Variants in ANO6 observed in about 807,000 individuals in gnomAD.
ANO6 encodes anoctamin-6.
In ANO6, 106 loss-of-function variants were observed where a neutral mutation model predicts 117.5. The observed-to-expected ratio is 0.90, with a 90% CI of 0.77 to 1.06. The LOEUF is 1.06. Ranked by LOEUF, ANO6 falls within the 50% of genes least tolerant of loss-of-function variation. The pLI, the probability that ANO6 is intolerant of heterozygous loss-of-function variation, is 0.00. For missense variants in ANO6, 955 were observed against 1,121.1 expected (o/e 0.85, Z 2.12); for synonymous variants, 367 against 385.1 (o/e 0.95, Z 0.55).
At chr12:45,314,926 A>G (rs1939971679) in intron 2 of ANO6, among the ~76,000 whole-genome samples, 1 of 152,106 alleles carries the variant, frequency 6.6e-6, no homozygotes. Context: ...ATAGCATTAC[A>G]TGAACATATC....
At position 45,431,958 on chromosome 12, in the gene ANO6, T is replaced by C. The variant is rs80262978; in HGVS notation, c.*2647T>C. On this transcript the variant is annotated 3_prime_UTR_variant, in exon 20 of 20. Coordinates refer to ENST00000320560, the MANE Select transcript of ANO6 (RefSeq NM_001025356.3). ...CTCAGATAATTTAGCTATATATCAT[T>C]AGAAAGGGAAAGCTATCATTTTTAT... 8.0e-4 allele frequency: 791 copies of C among 985,308 alleles called. 18 individuals are homozygous for C. The East Asian group carries it at 0.06, about 75-fold the overall frequency. The allele number at this position is 985,308 out of a possible 1,614,324, so 61.0% of individuals were successfully genotyped here.
chr12:45,377,519 T>C (rs1942060281), intron 9 of ANO6, among the ~76,000 whole-genome samples: 1 of 152,142 alleles, frequency 6.6e-6, no homozygotes, highest in Non-Finnish European at 1.5e-5. Flanking sequence ...CATCATTGGG[T>C]TTAAGAAAAC....
chr12:45,387,465 T>C (rs985139190), intron 10 of ANO6, among the ~76,000 whole-genome samples: 1 of 152,176 alleles, frequency 6.6e-6, no homozygotes, highest in African/African-American at 2.4e-5. Flanking sequence ...GGATGGATCA[T>C]GAGCTCCTTT....
chr12:45,392,471 G>T (rs1457063223), intron 12 of ANO6, among the ~76,000 whole-genome samples: 1 of 152,254 alleles, frequency 6.6e-6, no homozygotes, highest in East Asian at 1.9e-4. Context: ...AAATGTCCCT[G>T]TCTGACAGCT....
chr12:45,240,305 G>A (rs1389030715), intron 1 of ANO6, among the ~76,000 whole-genome samples: 1 of 110,934 alleles, frequency 9.0e-6, no homozygotes, highest in Non-Finnish European at 1.9e-5. Context: ...TTTGATCTTT[G>A]TTCGTTTAAT....
rs1202749592 is a variant in ANO6, at chr12:45,302,001, C to T, written c.71-13C>T. On this transcript the variant is annotated splice_polypyrimidine_tract_variant and intron_variant, in intron 1 of 19. Coordinates refer to ENST00000320560, the MANE Select transcript of ANO6 (RefSeq NM_001025356.3). The stretch of plus-strand genomic sequence containing the variant: ...TTCATGCTTCATTTGTTTATATATT[C>T]ATTCGTTTTTAGTGTTGGAAAACCT... 1 of 1,611,604 alleles carries T rather than the reference C, an allele frequency of 6.2e-7. No homozygotes were observed. The highest frequency in any genetic ancestry group is 8.5e-7 in the Non-Finnish European group (1 of 1,177,832).
At chr12:45,316,886 C>T (rs1273873845) in intron 2 of ANO6, among the ~76,000 whole-genome samples, 1 of 147,908 alleles carries the variant, frequency 6.8e-6, no homozygotes, top group African/African-American at 2.5e-5. Flanking sequence ...AGAAAAGTAT[C>T]GACCTCAGAG....
At chr12:45,307,503 T>C (rs1939707988) in intron 2 of ANO6, among the ~76,000 whole-genome samples, 1 of 152,044 alleles carries the variant, frequency 6.6e-6, no homozygotes. Flanking sequence ...AGGAGAAAAA[T>C]CAAAATTCTG....
At chr12:45,257,928 GT>G (rs1197763996) in intron 1 of ANO6, among the ~76,000 whole-genome samples, 2 of 151,864 alleles carry the variant, frequency 1.3e-5, no homozygotes, top group African/African-American at 4.8e-5. Flanking sequence ...AATGGGTTTG[GT>G]TTTTTTTCCA....
In ANO6 at chr12:45,432,268, A is replaced by C. The variant is rs1486805503; in HGVS notation, c.*2957A>C. 1 of 943,106 alleles carries C rather than the reference A, an allele frequency of 1.1e-6. No homozygotes were observed. Among genetic ancestry groups the C allele is most frequent in the African/African-American group, 1.8e-5 (1 of 56,260 alleles). The allele number at this position is 943,106 out of a possible 1,614,324, so 58.4% of individuals were successfully genotyped here. On this transcript the variant is annotated 3_prime_UTR_variant, in exon 20 of 20. Transcript: ENST00000320560. The stretch of plus-strand genomic sequence containing the variant: ...TTTCTGTGCATTTTAATATTCTTTT[A>C]TAATTATTAATGTTAATTTCTGTGC...
intron 1 of ANO6, among the ~76,000 whole-genome samples, chr12:45,222,982 T>G (rs996607065): frequency 1.4e-4 from 22 of 152,248 alleles, no homozygotes; most frequent in African/African-American, 5.3e-4. Flanking sequence ...GAGGACTGGT[T>G]CAGGGAGTTT....
intron 3 of ANO6, 79 bp downstream of exon 3, chr12:45,331,502 A>G: frequency 2.4e-6 from 3 of 1,257,886 alleles, no homozygotes; most frequent in Non-Finnish European, 3.3e-6. Flanking sequence ...TATAAGTAAT[A>G]AAGTGAAACT....
chr12:45,252,169 G>T (rs1315845758), intron 1 of ANO6, among the ~76,000 whole-genome samples: 2 of 152,178 alleles, frequency 1.3e-5, no homozygotes, highest in African/African-American at 2.4e-5. Flanking sequence ...ACATAAAGAA[G>T]CTTGTGATAG....
At chr12:45,280,568 G>A (rs1048981134) in intron 1 of ANO6, among the ~76,000 whole-genome samples, 2 of 152,118 alleles carry the variant, frequency 1.3e-5, no homozygotes. Flanking sequence ...CCTTGGGACA[G>A]GAAGCCAAAA....
At chr12:45,232,732 A>G (rs923393018) in intron 1 of ANO6, among the ~76,000 whole-genome samples, 2 of 152,178 alleles carry the variant, frequency 1.3e-5, no homozygotes, top group African/African-American at 2.4e-5. Flanking sequence ...AAGTGGTACT[A>G]TTGCTAGTGG....
intron 1 of ANO6, among the ~76,000 whole-genome samples, chr12:45,235,986 T>A (rs1421851815): frequency 6.6e-6 from 1 of 152,202 alleles, no homozygotes; most frequent in Non-Finnish European, 1.5e-5. Context: ...TCAGGCTGAC[T>A]GTCCTTGGAA....
intron 12 of ANO6, 30 bp downstream of exon 12, chr12:45,390,528 A>G: frequency 6.3e-7 from 1 of 1,584,548 alleles, no homozygotes; most frequent in Non-Finnish European, 8.7e-7. Flanking sequence ...GTTTTGAATG[A>G]TTAAAAATGT....
At chr12:45,308,566 C>T (rs887133661) in intron 2 of ANO6, among the ~76,000 whole-genome samples, 1 of 151,996 alleles carries the variant, frequency 6.6e-6, no homozygotes, top group Non-Finnish European at 1.5e-5. Context: ...AGAGCCTACT[C>T]AATGGTAGTG....
chr12:45,389,189 C>T (rs1942376860), intron 11 of ANO6, among the ~76,000 whole-genome samples: 1 of 152,180 alleles, frequency 6.6e-6, no homozygotes, highest in Admixed American at 6.5e-5. Context: ...CCAGAGGGAA[C>T]AGTTCAACCT....
Sources: gnomAD v4.1 joint callset for allele counts (sites outside exome capture counted in the v4.1 genomes callset) on GRCh38, gnomAD v4.1.1 for gene constraint, MANE v1.5 for transcripts, NCBI Gene and HGNC (gene_info 2026-07-23, HGNC 2026-07-21) for gene names.